The following MYO1H variants were observed in gnomAD, a reference collection of about 807,000 sequenced individuals.
MYO1H encodes the protein myosin IH, also known as unconventional myosin-Ih.
A neutral mutation model predicts 149.3 loss-of-function variants in MYO1H; 118 were observed. That is an observed-to-expected ratio of 0.79 (90% CI 0.68 to 0.92). The LOEUF is 0.92. MYO1H is among the 40% of genes least tolerant of loss of function. MYO1H has a pLI of 0.00. For missense variants in MYO1H, 1,212 were observed against 1,280.7 expected (o/e 0.95, Z 0.82); for synonymous variants, 447 against 465.2 (o/e 0.96, Z 0.50).
intron 3 of MYO1H, among the ~76,000 whole-genome samples, chr12:109,396,025 TCTC>T (rs1255279362): frequency 6.6e-6 from 1 of 151,968 alleles, no homozygotes; most frequent in African/African-American, 2.4e-5. Context: ...TTCAAGCAAT[TCTC>T]CTGCCTCAGC....
intron 27 of MYO1H, among the ~76,000 whole-genome samples, chr12:109,443,009 A>AAAATATATATAT (rs1371725807): frequency 1.7e-5 from 1 of 58,492 alleles, no homozygotes; most frequent in African/African-American, 1.1e-4. Flanking sequence ...AAAAAAAAAA[A>AAAATATATATAT]ATATATATAT....
chr12:109,379,044 C>G (rs1192799367), intron 1 of MYO1H, among the ~76,000 whole-genome samples: 1 of 152,162 alleles, frequency 6.6e-6, no homozygotes, highest in African/African-American at 2.4e-5. Flanking sequence ...ACCTGTGCTC[C>G]CTGAGTACTA....
At chr12:109,336,875 C>T in the MYO1H span, among the ~76,000 whole-genome samples, 1 of 152,238 alleles carries the variant, frequency 6.6e-6, no homozygotes, top group East Asian at 1.9e-4. Flanking sequence ...TGATAGAGTG[C>T]TCTGGGTCAT....
At chr12:109,338,088 C>T in the MYO1H span, among the ~76,000 whole-genome samples, 33 of 152,182 alleles carry the variant, frequency 2.2e-4, no homozygotes, top group Admixed American at 1.7e-3. Context: ...TTTTCGTTTT[C>T]GAGACGGTCT....
the MYO1H span, among the ~76,000 whole-genome samples, chr12:109,327,069 A>G: frequency 1.3e-5 from 2 of 151,650 alleles, no homozygotes; most frequent in African/African-American, 2.4e-5. Flanking sequence ...CCTTTATGCT[A>G]CAGTAGAATG....
Position 109,406,044 on chromosome 12 carries a change from C to T in MYO1H, c.963+9C>T, listed in dbSNP as rs768240205. 53 of 1,594,300 alleles carry T rather than the reference C, an allele frequency of 3.3e-5. No homozygotes were observed. The highest frequency in any genetic ancestry group is 4.5e-5 in the Non-Finnish European group (52 of 1,162,394). ...TCAAGTGGATAGCCAAGGTGATGCTCCTCTTTTGGAGAGGACAGAAGGAGG... is the reference window on the plus strand; with the variant it reads ...TCAAGTGGATAGCCAAGGTGATGCTTCTCTTTTGGAGAGGACAGAAGGAGG... On this transcript the variant is annotated intron_variant, in intron 8 of 31. Transcript: ENST00000310903.
chr12:109,439,143 C>G (rs1394587037), intron 23 of MYO1H, among the ~76,000 whole-genome samples: 1 of 151,130 alleles, frequency 6.6e-6, no homozygotes, highest in South Asian at 2.1e-4. Flanking sequence ...GGTGTGATCT[C>G]GGCTCACTGC....
At chr12:109,446,986 C>T (rs11837358) in intron 31 of MYO1H, 173 bp from the exon 32 acceptor site, 108,372 of 666,188 alleles carry the variant, frequency 0.16, 12,772 homozygotes, top group African/African-American at 0.5. Flanking sequence ...AAGAGGCTGA[C>T]AGGCCTCGAT....
chr12:109,338,902 TAA>T, the MYO1H span, among the ~76,000 whole-genome samples: 2 of 152,158 alleles, frequency 1.3e-5, no homozygotes, highest in African/African-American at 2.4e-5. Flanking sequence ...AGTGAATTGA[TAA>T]AGTCTTGTCC....
upstream of MYO1H, chr12:109,347,826 C>T (rs1032196998): frequency 2.5e-6 from 1 of 397,416 alleles, no homozygotes; most frequent in South Asian, 1.3e-4. Flanking sequence ...TAACTTAGCT[C>T]CACCCCGCAA....
chr12:109,407,412 T>TCATATGAAC (rs56669263), intron 9 of MYO1H, among the ~76,000 whole-genome samples: 10,391 of 151,940 alleles, frequency 0.068, 489 homozygotes, highest in Non-Finnish European at 0.092. Context: ...GAAAGAGCCA[T>TCATATGAAC]CATATGAACC....
chr12:109,444,151 C>A, intron 28 of MYO1H, 62 bp from the exon 29 acceptor site: 1 of 1,299,524 alleles, frequency 7.7e-7, no homozygotes, highest in Middle Eastern at 1.8e-4. Flanking sequence ...CGTATCTCTT[C>A]TTCCTCTGTA....
chr12:109,426,521 A>G (rs940798490), intron 18 of MYO1H, among the ~76,000 whole-genome samples: 2 of 152,000 alleles, frequency 1.3e-5, no homozygotes, highest in African/African-American at 4.8e-5. Context: ...GTGAGACCCT[A>G]TCTCAAAAAA....
chr12:109,408,389 G>A (rs747646744), intron 10 of MYO1H, among the ~76,000 whole-genome samples: 2 of 152,044 alleles, frequency 1.3e-5, no homozygotes, highest in Non-Finnish European at 2.9e-5. Context: ...TGTCCAGGCT[G>A]GTCTCAAACT....
rs1467668796 is a variant in MYO1H, at chr12:109,384,748, A to T, written c.13-3935A>T. On this transcript the variant is annotated intron_variant, in intron 1 of 31. Transcript: ENST00000310903. ...CAAATTTCTTTGGGCTTCAAGTCAC[A>T]TCAGTTCCTAGGCTGACTGCAGGAG... 2.0e-5 allele frequency among the ~76,000 whole-genome samples: 3 copies of T among 152,318 alleles called. No homozygotes were observed. In the South Asian group the frequency reaches 6.2e-4, roughly 32 times the overall value.
the MYO1H span, among the ~76,000 whole-genome samples, chr12:109,329,285 G>A: frequency 2.6e-5 from 4 of 152,182 alleles, no homozygotes; most frequent in East Asian, 7.7e-4. Flanking sequence ...TATTGTCCAC[G>A]GCTGCTTTTC....
intron 19 of MYO1H, among the ~76,000 whole-genome samples, chr12:109,432,246 C>T (rs1034071052): frequency 2.0e-5 from 3 of 151,882 alleles, no homozygotes; most frequent in Admixed American, 6.6e-5. Context: ...CCTTGTGATC[C>T]GCCCGCCTCG....
chr12:109,396,128 G>A (rs1869888158), intron 3 of MYO1H, among the ~76,000 whole-genome samples: 1 of 151,920 alleles, frequency 6.6e-6, no homozygotes, highest in African/African-American at 2.4e-5. Flanking sequence ...TCATCATGTT[G>A]GCCAGGCTAG....
At chr12:109,372,888 A>C (rs1200450500) in intron 1 of MYO1H, among the ~76,000 whole-genome samples, 1 of 152,108 alleles carries the variant, frequency 6.6e-6, no homozygotes, top group Non-Finnish European at 1.5e-5. Context: ...CTATCCAAGA[A>C]CATAGTATAT....
Sources: gnomAD v4.1 joint callset for allele counts (sites outside exome capture counted in the v4.1 genomes callset) on GRCh38, gnomAD v4.1.1 for gene constraint, MANE v1.5 for transcripts, NCBI Gene and HGNC (gene_info 2026-07-23, HGNC 2026-07-21) for gene names.